Variants in SLC9A2 observed in about 807,000 individuals in gnomAD.
SLC9A2 encodes the protein sodium/hydrogen exchanger 2.
SLC9A2 carries 42 observed loss-of-function variants against 71.7 expected under a neutral mutation model. The observed-to-expected ratio is 0.59, with a 90% confidence interval of 0.46 to 0.76. The LOEUF (loss-of-function observed/expected upper bound fraction) is 0.76, where lower values mean the gene tolerates loss of function less well. Ranked by LOEUF, SLC9A2 falls within the 30% of genes least tolerant of loss-of-function variation. The pLI, the probability that SLC9A2 is intolerant of heterozygous loss-of-function variation, is 0.00. For missense variants in SLC9A2, 829 were observed against 1,017.4 expected (o/e 0.81, Z 2.52); for synonymous variants, 396 against 392.5 (o/e 1.01, Z -0.10).
At chr2:102,666,008 A>T (rs191133969) in intron 3 of SLC9A2, among the ~76,000 whole-genome samples, 4 of 152,000 alleles carry the variant, frequency 2.6e-5, no homozygotes, top group Admixed American at 2.0e-4. Flanking sequence ...GTGGGAACCT[A>T]TAAGCTTATT....
chr2:102,643,290 C>A (rs1320943279), intron 1 of SLC9A2, among the ~76,000 whole-genome samples: 1 of 152,120 alleles, frequency 6.6e-6, no homozygotes, highest in Non-Finnish European at 1.5e-5. Context: ...GACACCACCC[C>A]AATAGAAAAG....
In SLC9A2 at chr2:102,619,743, C is replaced by T. The variant is rs1239863717; in HGVS notation, c.-106C>T. 4 of 1,081,230 alleles carry T rather than the reference C, an allele frequency of 3.7e-6. No individual in the cohort carries two copies. The highest frequency in any genetic ancestry group is 2.0e-5 in the South Asian group (1 of 51,152). 67.0% of individuals were successfully genotyped at this position (1,081,230 alleles called of 1,614,324 possible). Reference sequence around the variant, plus strand: ...GCAGCGGCGGGTGGCTGTCGCTGCCCTGCCCTGCACGGGGCAGGGCGGAGC... The same window carrying T: ...GCAGCGGCGGGTGGCTGTCGCTGCCTTGCCCTGCACGGGGCAGGGCGGAGC... On this transcript the variant is annotated 5_prime_UTR_variant, in exon 1 of 12. Coordinates refer to ENST00000233969, the MANE Select transcript of SLC9A2 (RefSeq NM_003048.6). The surrounding 1 kb of genome is among the most constrained non-coding windows in gnomAD (Gnocchi z 4.3).
At chr2:102,686,951 T>A (rs964214176) in intron 5 of SLC9A2, among the ~76,000 whole-genome samples, 11 of 152,192 alleles carry the variant, frequency 7.2e-5, no homozygotes, top group African/African-American at 1.2e-4. Flanking sequence ...ACAGTTGAGA[T>A]GTATTAGCCG....
chr2:102,695,145 G>A (rs770113814), intron 7 of SLC9A2, 32 bp downstream of exon 7: 8 of 1,442,100 alleles, frequency 5.5e-6, no homozygotes, highest in South Asian at 2.4e-5. Context: ...GGGTTATGAA[G>A]TGGCCCAGGG....
chr2:102,635,413 C>G (rs181293664), intron 1 of SLC9A2, among the ~76,000 whole-genome samples: 1 of 152,186 alleles, frequency 6.6e-6, no homozygotes, highest in South Asian at 2.1e-4. Flanking sequence ...GACTCTGGCT[C>G]GAGGAGCTTT....
rs1678077260 is a variant in SLC9A2 at position 102,710,152 on chromosome 2, A to T, written c.*1663A>T. The T allele has an allele frequency of 6.5e-6, 1 of 152,790 alleles. No homozygotes were observed. Among genetic ancestry groups the T allele is most frequent in the African/African-American group, 2.4e-5 (1 of 41,462 alleles). The allele number at this position is 152,790 out of a possible 1,614,324, so 9.5% of individuals were successfully genotyped here. ...GGAGCACAATTCCTTGATTCAGGGA[A>T]AGTAGCACAGAATGCAATTTGAAAA... On this transcript the variant is annotated 3_prime_UTR_variant, in exon 12 of 12. Transcript: ENST00000233969.
At chr2:102,635,294 G>T (rs972433317) in intron 1 of SLC9A2, among the ~76,000 whole-genome samples, 5 of 152,184 alleles carry the variant, frequency 3.3e-5, no homozygotes, top group African/African-American at 4.8e-5. Flanking sequence ...GTTCAGGGTT[G>T]GGAAGGATAC....
chr2:102,648,264 C>G (rs1346579324), intron 1 of SLC9A2, among the ~76,000 whole-genome samples: 1 of 152,154 alleles, frequency 6.6e-6, no homozygotes, highest in South Asian at 2.1e-4. Flanking sequence ...TAAATAGATG[C>G]AGAAAAGGCC....
In SLC9A2 at chr2:102,684,320, T is replaced by C. The variant is rs1277022746; in HGVS notation, c.1409T>C (p.Phe470Ser). Reference protein sequence around the residue: ...FITAAIVVIFFTVFILGITIR... With the variant: ...FITAAIVVIFSTVFILGITIR... ...ACGGCTGCCATTGTTGTCATATTCTTTACTGTCTTCATTCTGGTAAGTAGA... is the reference window on the plus strand; with the variant it reads ...ACGGCTGCCATTGTTGTCATATTCTCTACTGTCTTCATTCTGGTAAGTAGA... Residue 470 changes from phenylalanine (F) to serine (S), a missense_variant, in exon 5 of 12, where the codon TTT becomes TCT. Coordinates refer to ENST00000233969, the MANE Select transcript of SLC9A2 (RefSeq NM_003048.6). The C allele has an allele frequency of 1.2e-6, 2 of 1,613,930 alleles. No individual in the cohort carries two copies. Among genetic ancestry groups the C allele is most frequent in the Non-Finnish European group, 1.7e-6 (2 of 1,179,888 alleles).
intron 6 of SLC9A2, among the ~76,000 whole-genome samples, chr2:102,694,820 T>C (rs971554889): frequency 1.3e-5 from 2 of 152,176 alleles, no homozygotes; most frequent in African/African-American, 2.4e-5. Context: ...ATTAACAAAC[T>C]TATAGGTGAG....
intron 1 of SLC9A2, among the ~76,000 whole-genome samples, chr2:102,642,049 A>C (rs1676593245): frequency 6.6e-6 from 1 of 150,912 alleles, no homozygotes. Flanking sequence ...AAATATAATA[A>C]TAATAATAAT....
intron 1 of SLC9A2, among the ~76,000 whole-genome samples, chr2:102,636,175 T>C (rs1272204781): frequency 6.6e-6 from 1 of 152,208 alleles, no homozygotes; most frequent in East Asian, 1.9e-4. Context: ...CCCTTTGATT[T>C]TTGCAACCAT....
chr2:102,682,684 G>A (rs1249244998), intron 3 of SLC9A2, among the ~76,000 whole-genome samples: 1 of 152,186 alleles, frequency 6.6e-6, no homozygotes, highest in Non-Finnish European at 1.5e-5. Context: ...ACATAGATAT[G>A]AGACTCAGAA....
Position 102,620,092 on chromosome 2 carries a change from T to C in SLC9A2, c.244T>C (p.Phe82Leu). ...TLDYPHVQIP[F>L]EITLWILLAS... ...GGATTACCCCCACGTGCAGATCCCC[T>C]TCGAGATCACCCTTTGGATCCTGCT... Residue 82 changes from phenylalanine to leucine, a missense_variant, in exon 1 of 12, where the codon TTC becomes CTC. Transcript: ENST00000233969. 6.2e-7 allele frequency: 1 copy of C among 1,613,394 alleles called. No homozygotes were observed. The highest frequency in any genetic ancestry group is 8.5e-7 in the Non-Finnish European group (1 of 1,179,628).
chr2:102,652,669 A>G (rs997150399), intron 1 of SLC9A2, among the ~76,000 whole-genome samples: 4 of 152,150 alleles, frequency 2.6e-5, no homozygotes, highest in African/African-American at 7.2e-5. Context: ...AAATATTACT[A>G]TCTGGTCCTT....
At chr2:102,658,405 ATAAC>A (rs1177301729) in intron 2 of SLC9A2, among the ~76,000 whole-genome samples, 1 of 152,052 alleles carries the variant, frequency 6.6e-6, no homozygotes, top group Admixed American at 6.6e-5. Context: ...GTCTTCGATC[ATAAC>A]TTAAAAGCCT....
chr2:102,694,503 G>T lies in SLC9A2; in HGVS notation c.1515G>T (p.Arg505=). ...CTGTCAGTGAAGAAATCTATTGTCG[G>T]GTAGGTGTTAAGAGAGTGTAATAAT... ...QQAVSEEIYC[R]LFDHVKTGIE... is the part of the protein sequence containing the mutation. Residue 505 remains arginine (R), a splice_region_variant and synonymous_variant, in exon 6 of 12, where the codon CGG becomes CGT. Coordinates refer to ENST00000233969, the MANE Select transcript of SLC9A2 (RefSeq NM_003048.6). 2 of 1,499,088 alleles carry T rather than the reference G, an allele frequency of 1.3e-6. No individual in the cohort carries two copies. The highest frequency in any genetic ancestry group is 1.3e-5 in the South Asian group (1 of 76,642). The allele number at this position is 1,499,088 out of a possible 1,614,324, so 92.9% of individuals were successfully genotyped here. A position where few individuals can be genotyped will look rare whatever the true frequency, so the allele number is the denominator to read the frequency against.
At chr2:102,622,851 G>A (rs1218631767) in intron 1 of SLC9A2, among the ~76,000 whole-genome samples, 1 of 152,176 alleles carries the variant, frequency 6.6e-6, no homozygotes. Flanking sequence ...ACTGTTGACT[G>A]TCCTGGGCTG....
chr2:102,683,619 C>G (rs1677496131), intron 4 of SLC9A2, 141 bp downstream of exon 4: 2 of 657,066 alleles, frequency 3.0e-6, no homozygotes, highest in East Asian at 5.4e-5. Context: ...ACGTCTTCCT[C>G]CTCTTCTTCC....
Sources: allele counts gnomAD v4.1 joint callset (sites outside exome capture counted in the v4.1 genomes callset), GRCh38; gene constraint gnomAD v4.1.1; non-coding constraint Gnocchi (gnomAD v3.1); transcripts MANE v1.5; gene names NCBI Gene and HGNC (gene_info 2026-07-23, HGNC 2026-07-21).